MASP2: variants seen among roughly 807,000 people sequenced by gnomAD.
MASP2 encodes the protein MBL associated serine protease 2.
Under a neutral mutation model 57.1 loss-of-function variants are expected in MASP2, and 49 were observed. The observed-to-expected ratio is 0.86, with a 90% CI of 0.68 to 1.09. The LOEUF (loss-of-function observed/expected upper bound fraction) is 1.09, where lower values mean the gene tolerates loss of function less well. MASP2 is among the 50% of genes least tolerant of loss of function. MASP2 has a pLI of 0.00. For missense variants in MASP2, 900 were observed against 874.8 expected (o/e 1.03, Z -0.36); for synonymous variants, 379 against 340.8 (o/e 1.11, Z -1.24).
Position 11,037,755 on chromosome 1 carries a change from C to A in MASP2, c.946G>T (p.Ala316Ser). The change falls in exon 7 of 11, where the codon GCC becomes TCC. Residue 316 changes from alanine to serine, a missense_variant. By Grantham distance (99) the Ala-to-Ser change is moderately conservative. Coordinates refer to ENST00000400897, the MANE Select transcript of MASP2 (RefSeq NM_006610.4). ...AAGCTGTCTTTCAGGATGTATTTGGCTTGCACAGGTGAAACGTGGCCATTA... is the reference window on the plus strand; with the variant it reads ...AAGCTGTCTTTCAGGATGTATTTGGATTGCACAGGTGAAACGTGGCCATTA... Reference protein sequence around the residue: ...PPNGHVSPVQAKYILKDSFSI... With the variant: ...PPNGHVSPVQSKYILKDSFSI... 2 of 1,613,372 alleles carry A rather than the reference C, an allele frequency of 1.2e-6. No homozygotes were observed. The highest frequency in any genetic ancestry group is 1.7e-6 in the Non-Finnish European group (2 of 1,179,748).
At chr1:11,034,961 C>T in intron 7 of MASP2, 55 bp from the exon 8 acceptor site, 2 of 1,284,742 alleles carry the variant, frequency 1.6e-6, no homozygotes, top group South Asian at 1.3e-5. Flanking sequence ...AAAATCACTC[C>T]CCAAAGCTGT....
chr1:11,027,588 G>T lies in MASP2; in HGVS notation c.1358C>A (p.Pro453His). 1 of 1,614,176 alleles carries T rather than the reference G, an allele frequency of 6.2e-7. No homozygotes were observed. The highest frequency in any genetic ancestry group is 8.5e-7 in the Non-Finnish European group (1 of 1,180,034). The change falls in exon 11 of 11, where the codon CCT becomes CAT. Residue 453 changes from proline (P) to histidine (H), a missense_variant. Physicochemically the swap from Pro to His is moderately conservative, Grantham distance 77. Transcript: ENST00000400897. ...GRIYGGQKAK[P>H]GDFPWQVLIL... ...CAGGACTTGCCAAGGAAAATCACCAGGTTTTGCCTTTTGCCCTCCATATAT... is the reference window on the plus strand; with the variant it reads ...CAGGACTTGCCAAGGAAAATCACCATGTTTTGCCTTTTGCCCTCCATATAT...
chr1:11,027,025 C>G lies in MASP2; in HGVS notation c.1921G>C (p.Asp641His). The part of the protein sequence containing the change: ...GDSGGALVFL[D>H]SETERWFVGG... ...ACAAACCACCTCTCTGTTTCACTAT[C>G]TAGAAACACCAGTGCCCCTCCGCTG... is the stretch of plus-strand genomic sequence containing the variant. The change falls in exon 11 of 11, where the codon GAT (aspartate) becomes CAT (histidine). Residue 641 changes from aspartate to histidine, a missense_variant. By Grantham distance (81) the Asp-to-His change is moderately conservative (BLOSUM62 -1). Transcript: ENST00000400897. The G allele has an allele frequency of 6.3e-7, 1 of 1,598,030 alleles. No homozygotes were observed. The highest frequency in any genetic ancestry group is 8.5e-7 in the Non-Finnish European group (1 of 1,172,508).
chr1:11,046,376 C>A (rs559303517), intron 3 of MASP2, 180 bp downstream of exon 3: 6 of 678,054 alleles, frequency 8.8e-6, no homozygotes. Context: ...GCACTCAGCC[C>A]ATGTGAATGG....
chr1:11,027,689 T>C, intron 10 of MASP2, 41 bp from the exon 11 acceptor site: 1 of 1,532,310 alleles, frequency 6.5e-7, no homozygotes, highest in Non-Finnish European at 8.8e-7. Context: ...TTTGTAAAAA[T>C]GTCAATCGTG....
rs1194992566 is a variant in MASP2, at chr1:11,030,108, C to G, written c.1297+68G>C. On this transcript the variant is annotated intron_variant, in intron 10 of 10. Coordinates refer to ENST00000400897, the MANE Select transcript of MASP2 (RefSeq NM_006610.4). ...TTCTGCCTACCACAGCTAAAGCTCT[C>G]CTCACTGTCTCCTACCCAGTCCTCC... 3 of 1,154,308 alleles carry G rather than the reference C, an allele frequency of 2.6e-6. No homozygotes were observed. In the African/African-American group the frequency reaches 4.6e-5, roughly 18 times the overall value. The allele number at this position is 1,154,308 out of a possible 1,614,324, so 71.5% of individuals were successfully genotyped here.
chr1:11,031,147 T>C (rs911768885), intron 8 of MASP2, among the ~76,000 whole-genome samples: 5 of 151,900 alleles, frequency 3.3e-5, no homozygotes, highest in African/African-American at 1.2e-4. Context: ...GTCGTCCATG[T>C]GGAGGAAGAG....
Position 11,033,874 on chromosome 1 carries a change from A to G in MASP2, c.1087+954T>C, listed in dbSNP as rs563566127. Among the ~76,000 whole-genome samples, 68 of 150,970 alleles carry G rather than the reference A, an allele frequency of 4.5e-4. No individual in the cohort carries two copies. In the South Asian group the frequency reaches 0.014, roughly 30 times the overall value. ...CTTGAACCCGGGAGGCAGAGGTTGCAGTGAGCCGAGATTGTCACCGCACTC... is the reference window on the plus strand; with the variant it reads ...CTTGAACCCGGGAGGCAGAGGTTGCGGTGAGCCGAGATTGTCACCGCACTC... On this transcript the variant is annotated intron_variant, in intron 8 of 10. Transcript: ENST00000400897.
Position 11,030,202 on chromosome 1 carries a change from TC to T in MASP2, c.1270del (p.Glu424LysfsTer38), listed in dbSNP as rs1643819970. 6.2e-7 allele frequency: 1 copy of T among 1,613,474 alleles called. No individual in the cohort carries two copies. Among genetic ancestry groups the T allele is most frequent in the East Asian group, 2.2e-5 (1 of 44,836 alleles). ...ADGFWTSSKG[E>X]KSLPVCEPVC... Reference sequence around the variant, plus strand: ...AGGCTCACAGACTGGGAGTGATTTTTCTCCTTTGGAGCTCGTCCAGAATCCA... The same window carrying T: ...AGGCTCACAGACTGGGAGTGATTTTTTCCTTTGGAGCTCGTCCAGAATCCA... On this transcript the variant is annotated frameshift_variant, in exon 10 of 11. Coordinates refer to ENST00000400897, the MANE Select transcript of MASP2 (RefSeq NM_006610.4). LOFTEE classifies it low-confidence loss of function (END_TRUNC).
intron 10 of MASP2, 89 bp from the exon 11 acceptor site, chr1:11,027,737 G>T: frequency 7.3e-7 from 1 of 1,377,286 alleles, no homozygotes; most frequent in Non-Finnish European, 9.9e-7. Context: ...GTATATATTT[G>T]ATGTCAACCA....
At chr1:11,036,229 G>A (rs921420993) in intron 7 of MASP2, among the ~76,000 whole-genome samples, 3 of 152,182 alleles carry the variant, frequency 2.0e-5, no homozygotes, top group Admixed American at 6.5e-5. Flanking sequence ...AAGTCGCCGG[G>A]CGCGGTGGCT....
At chr1:11,038,981 A>G (rs1638333358) in intron 6 of MASP2, among the ~76,000 whole-genome samples, 1 of 152,092 alleles carries the variant, frequency 6.6e-6, no homozygotes, top group Non-Finnish European at 1.5e-5. Flanking sequence ...CCACAGCTCC[A>G]CACCCTGAAG....
intron 6 of MASP2, among the ~76,000 whole-genome samples, chr1:11,039,803 A>T (rs1007748272): frequency 7.0e-6 from 1 of 142,850 alleles, no homozygotes; most frequent in Admixed American, 7.0e-5. Flanking sequence ...TGAATAGAAG[A>T]ATGGATAGAT....
chr1:11,037,656 A>G (rs774686198), intron 7 of MASP2, 37 bp downstream of exon 7: 5 of 1,288,956 alleles, frequency 3.9e-6, no homozygotes, highest in Non-Finnish European at 5.5e-6. Context: ...TTTCAAAGCA[A>G]TCGTCATTGA....
chr1:11,041,861 G>A, intron 6 of MASP2, among the ~76,000 whole-genome samples: 1 of 149,840 alleles, frequency 6.7e-6, no homozygotes, highest in Middle Eastern at 3.5e-3. Context: ...TTGATAGAAG[G>A]ATGGGTGGGT....
intron 8 of MASP2, 102 bp from the exon 9 acceptor site, chr1:11,030,984 CTTGAGCTCAGGAGT>C: frequency 7.9e-7 from 1 of 1,263,582 alleles, no homozygotes; most frequent in Non-Finnish European, 1.1e-6. Context: ...GGGCAAATCC[CTTGAGCTCAGGAGT>C]TTGAGACCAG....
In MASP2 at chr1:11,030,112, A is replaced by G. The variant is rs1359239199; in HGVS notation, c.1297+64T>C. The stretch of plus-strand genomic sequence containing the variant: ...GCCTACCACAGCTAAAGCTCTCCTC[A>G]CTGTCTCCTACCCAGTCCTCCTTTC... On this transcript the variant is annotated intron_variant, in intron 10 of 10. Coordinates refer to ENST00000400897, the MANE Select transcript of MASP2 (RefSeq NM_006610.4). 2.5e-6 allele frequency: 3 copies of G among 1,197,464 alleles called. No homozygotes were observed. The African/African-American group carries it at 4.6e-5, about 18-fold the overall frequency. The allele number at this position is 1,197,464 out of a possible 1,614,324, so 74.2% of individuals were successfully genotyped here. A position where few individuals can be genotyped will look rare whatever the true frequency, so the allele number is the denominator to read the frequency against.
chr1:11,030,289 G>GT (rs764416743), intron 9 of MASP2, 39 bp from the exon 10 acceptor site: 1 of 1,409,006 alleles, frequency 7.1e-7, no homozygotes, highest in African/African-American at 1.4e-5. Flanking sequence ...TTAACTGCAT[G>GT]TATAAGATGG....
rs564147122 is a variant in MASP2, at chr1:11,046,840, T to C, written c.234+51A>G. 6 of 1,550,276 alleles carry C rather than the reference T, an allele frequency of 3.9e-6. No individual in the cohort carries two copies. In the South Asian group the frequency reaches 4.7e-5, roughly 12 times the overall value. On this transcript the variant is annotated intron_variant, in intron 2 of 10. Coordinates refer to ENST00000400897, the MANE Select transcript of MASP2 (RefSeq NM_006610.4). ...GGTGTCCCTGAACCCTGGCTACTCCTTGGGGACCCCCCGACCCTGAGAAAC... is the reference window on the plus strand; with the variant it reads ...GGTGTCCCTGAACCCTGGCTACTCCCTGGGGACCCCCCGACCCTGAGAAAC...
Sources: gnomAD v4.1 joint callset for allele counts (sites outside exome capture counted in the v4.1 genomes callset) on GRCh38, gnomAD v4.1.1 for gene constraint, MANE v1.5 for transcripts, NCBI Gene and HGNC (gene_info 2026-07-23, HGNC 2026-07-21) for gene names.